Variants in OTOA observed in about 807,000 individuals in gnomAD.
OTOA encodes otoancorin.
OTOA carries 70 observed loss-of-function variants against 110.8 expected under a neutral mutation model. The observed-to-expected ratio is 0.63, with a 90% CI of 0.52 to 0.77. The LOEUF (loss-of-function observed/expected upper bound fraction) is 0.77. Ranked by LOEUF, OTOA falls within the 30% of genes least tolerant of loss-of-function variation. The probability of loss-of-function intolerance (pLI) is 0.00; values close to 1 mark genes in which losing one functional copy is unlikely to be tolerated. For missense variants in OTOA, 917 were observed against 1,075.8 expected (o/e 0.85, Z 2.06); for synonymous variants, 373 against 431.5 (o/e 0.86, Z 1.68).
intron 7 of OTOA, 66 bp downstream of exon 7, chr16:21,685,427 A>G (rs1465714070): frequency 5.7e-5 from 90 of 1,591,624 alleles, no homozygotes; most frequent in East Asian, 4.5e-4. Context: ...GTTGAATTGA[A>G]TAAATGGAGC....
intron 8 of OTOA, among the ~76,000 whole-genome samples, chr16:21,688,575 A>G (rs1461828422): frequency 3.9e-5 from 6 of 152,116 alleles, no homozygotes; most frequent in Non-Finnish European, 8.8e-5. Context: ...TTTATTTCTC[A>G]TGGTTCTGGA....
chr16:21,719,498 C>T lies in OTOA; in HGVS notation c.1800C>T (p.Pro600=). 2 of 1,613,336 alleles carry T rather than the reference C, an allele frequency of 1.2e-6. No individual in the cohort carries two copies. Among genetic ancestry groups the T allele is most frequent in the Non-Finnish European group, 1.7e-6 (2 of 1,179,326 alleles). ...DFQNNFALLS[P]YQVNCLAWKY... ...AGAACAACTTCGCCCTGCTTTCACC[C>T]TATCAGGTACCGTTAAAGCATTTTC... The change falls in exon 17 of 29, where the codon CCC becomes CCT. Residue 600 remains proline, a synonymous_variant. Coordinates refer to ENST00000646100, the MANE Select transcript of OTOA (RefSeq NM_144672.4).
At chr16:21,727,239 A>C (rs1368419380) in intron 19 of OTOA, 1 of 158,696 alleles carries the variant, frequency 6.3e-6, no homozygotes, top group Non-Finnish European at 1.4e-5. Flanking sequence ...ATGGTCTCAA[A>C]CTCCTGACAT....
intron 9 of OTOA, among the ~76,000 whole-genome samples, chr16:21,697,243 A>C (rs900622644): frequency 6.6e-6 from 1 of 152,086 alleles, no homozygotes; most frequent in Non-Finnish European, 1.5e-5. Flanking sequence ...CACACTATTG[A>C]GTAACAAGGT....
intron 19 of OTOA, among the ~76,000 whole-genome samples, chr16:21,726,917 G>C (rs1898935697): frequency 6.6e-6 from 1 of 152,010 alleles, no homozygotes; most frequent in African/African-American, 2.4e-5. Flanking sequence ...CTGGGTGCCA[G>C]TGATTGGTTA....
chr16:21,739,395 G>A (rs2141741674), intron 22 of OTOA, among the ~76,000 whole-genome samples: 1 of 151,064 alleles, frequency 6.6e-6, no homozygotes, highest in South Asian at 2.1e-4. Context: ...CTCTCCAAGT[G>A]GCTTATGATA....
At chr16:21,680,580 A>G (rs959597306) in intron 5 of OTOA, among the ~76,000 whole-genome samples, 8 of 151,904 alleles carry the variant, frequency 5.3e-5, no homozygotes, top group African/African-American at 1.9e-4. Context: ...TAGGCTGGGC[A>G]TGGTGGCTTA....
In OTOA at chr16:21,672,604, C is replaced by T. The variant is rs1486792779; in HGVS notation, c.-4-5907C>T. Among the ~76,000 whole-genome samples the T allele has an allele frequency of 5.1e-5, 7 of 136,366 alleles. No homozygotes were observed. The Admixed American group carries it at 5.5e-4, about 11-fold the overall frequency. The allele number at this position is 136,366 out of a possible 152,430, so 89.5% of individuals were successfully genotyped here. On this transcript the variant is annotated intron_variant, in intron 1 of 28. Transcript: ENST00000646100. ...CGCCACTACACTCCAGCCTGGGTGA[C>T]AGAGTGAGACTCCATCTCAAAAAAA...
intron 20 of OTOA, among the ~76,000 whole-genome samples, chr16:21,728,767 T>G (rs1247811164): frequency 6.6e-6 from 1 of 151,980 alleles, no homozygotes. Context: ...TTTTGCATTT[T>G]TAGTAGAGAC....
Position 21,715,153 on chromosome 16 carries a change from G to A in OTOA, c.1488+1G>A. The A allele has an allele frequency of 6.2e-7, 1 of 1,614,126 alleles. No homozygotes were observed. The highest frequency in any genetic ancestry group is 1.7e-5 in the Admixed American group (1 of 60,022). On this transcript the variant is annotated splice_donor_variant, in intron 14 of 28. Coordinates refer to ENST00000646100, the MANE Select transcript of OTOA (RefSeq NM_144672.4). LOFTEE classifies it high-confidence loss of function. ...CCAGCAGCAAGGTATCCTCAGCAAG[G>A]TGAGAGGAAGATGTCTGGTGCTCAG...
intron 21 of OTOA, among the ~76,000 whole-genome samples, 186 bp downstream of exon 21, chr16:21,731,116 C>G (rs888481900): frequency 9.2e-5 from 14 of 151,982 alleles, no homozygotes; most frequent in African/African-American, 3.4e-4. Flanking sequence ...AGTGAGTCCA[C>G]AGCTAAATGA....
chr16:21,708,328 C>T (rs750324792), intron 12 of OTOA, among the ~76,000 whole-genome samples: 8 of 152,040 alleles, frequency 5.3e-5, no homozygotes, highest in Admixed American at 1.3e-4. Flanking sequence ...AATCTAATGC[C>T]GCTTCTGATC....
intron 14 of OTOA, among the ~76,000 whole-genome samples, chr16:21,715,559 A>T (rs1237702547): frequency 6.6e-6 from 1 of 151,168 alleles, no homozygotes; most frequent in Non-Finnish European, 1.5e-5. Context: ...CCTCCTGAGT[A>T]GCTGGGACCA....
In OTOA at chr16:21,681,823, C is replaced by A; in HGVS notation, c.265C>A (p.Gln89Lys). 1 of 1,612,912 alleles carries A rather than the reference C, an allele frequency of 6.2e-7. No individual in the cohort carries two copies. The highest frequency in any genetic ancestry group is 8.5e-7 in the Non-Finnish European group (1 of 1,178,890). The change falls in exon 6 of 29, where the codon CAG becomes AAG. Residue 89 changes from glutamine (Q) to lysine (K), a missense_variant and splice_region_variant. Around this residue, in one of 6 missense-constraint regions of OTOA, gnomAD observed 840 missense variants for 910.2 expected, o/e 0.92. Transcript: ENST00000646100. The stretch of plus-strand genomic sequence containing the variant: ...TGTTGCCTTCACCATCCCCAGCCTG[C>A]AGGTGTGTACCTGAGACCCATCTAT... Reference protein sequence around the residue: ...RNVAFTIPSLQAAVENHLEQR... With the variant: ...RNVAFTIPSLKAAVENHLEQR...
intron 9 of OTOA, 87 bp from the exon 10 acceptor site, chr16:21,697,688 A>C (rs1370038251): frequency 8.2e-7 from 1 of 1,222,638 alleles, no homozygotes; most frequent in East Asian, 2.3e-5. Context: ...AGGTCTTGAC[A>C]GCAAAGATGC....
rs200988634 is a variant in OTOA, at chr16:21,736,318, G to T, written c.2359G>T (p.Glu787Ter). 5,487 of 1,567,004 alleles carry T rather than the reference G, an allele frequency of 3.5e-3. No individual in the cohort carries two copies. In the East Asian group the frequency reaches 0.12, roughly 34 times the overall value. The change falls in exon 22 of 29, where the codon GAA becomes TAA. Residue 787 changes from glutamate to a stop codon, truncating the protein, a stop_gained. Coordinates refer to ENST00000646100, the MANE Select transcript of OTOA (RefSeq NM_144672.4). LOFTEE classifies it high-confidence loss of function. ...SKMARTLPTKEFLWAVFQSVR... is the reference protein window; with the variant it reads ...SKMARTLPTK ...GATGGCCAGGACCCTGCCCACTAAAGAATTCCTCTGGGCTGTCTTTCAGTC... is the reference window on the plus strand; with the variant it reads ...GATGGCCAGGACCCTGCCCACTAAATAATTCCTCTGGGCTGTCTTTCAGTC...
intron 12 of OTOA, among the ~76,000 whole-genome samples, chr16:21,706,823 CTTT>C (rs34176598): frequency 5.5e-5 from 7 of 128,336 alleles, no homozygotes; most frequent in East Asian, 4.4e-4. Flanking sequence ...GTCAGCGCAT[CTTT>C]TTTTTTTTTT....
At chr16:21,700,843 C>T in intron 10 of OTOA, 45 bp from the exon 11 acceptor site, 1 of 1,612,730 alleles carries the variant, frequency 6.2e-7, no homozygotes, top group Non-Finnish European at 8.5e-7. Context: ...CACTGGGCCA[C>T]TTCCACCCTC....
chr16:21,681,928 C>A, intron 6 of OTOA, 103 bp downstream of exon 6: 2 of 1,066,800 alleles, frequency 1.9e-6, no homozygotes, highest in Non-Finnish European at 2.9e-6. Flanking sequence ...TAGAGATAGT[C>A]TTTGCTTCTG....
Sources: gnomAD v4.1 joint callset for allele counts (sites outside exome capture counted in the v4.1 genomes callset) on GRCh38, gnomAD v4.1.1 for gene constraint, gnomAD v4.1.1 regional missense constraint, MANE v1.5 for transcripts, NCBI Gene and HGNC (gene_info 2026-07-23, HGNC 2026-07-21) for gene names.